RBM4: variants seen among roughly 807,000 people sequenced by gnomAD.
RBM4 encodes RNA binding motif protein 4.
In RBM4, 7 loss-of-function variants were observed where a neutral mutation model predicts 29.5. That is an observed-to-expected ratio of 0.24 (90% CI 0.14 to 0.45). The LOEUF (loss-of-function observed/expected upper bound fraction) is 0.45, where lower values mean the gene tolerates loss of function less well. RBM4 is among the 20% of genes least tolerant of loss of function. The probability of loss-of-function intolerance (pLI) is 1.00; values close to 1 mark genes in which losing one functional copy is unlikely to be tolerated. For synonymous variants in RBM4, 220 were observed against 205.4 expected (o/e 1.07, Z -0.61); for missense variants, 387 against 502.3 (o/e 0.77, Z 2.19).
chr11:66,666,485 G>T, exon 3 of RBM4: 1 of 982,912 alleles, frequency 1.0e-6, no homozygotes, highest in Non-Finnish European at 1.2e-6. Context: ...GTCCATTTGA[G>T]GTTCACACCT....
Position 66,643,676 on chromosome 11 carries a change from C to G in RBM4, c.639C>G (p.Asn213Lys). The G allele has an allele frequency of 1.2e-6, 2 of 1,614,152 alleles. No individual in the cohort carries two copies. Among genetic ancestry groups the G allele is most frequent in the Non-Finnish European group, 1.7e-6 (2 of 1,180,032 alleles). The change falls in exon 3 of 4, where the codon AAC becomes AAG. Residue 213 changes from asparagine to lysine, a missense_variant. By Grantham distance (94) the Asn-to-Lys change is moderately conservative. This residue lies in a region of RBM4 where 281 missense variants were observed against 288.7 expected (regional missense o/e 0.97). Transcript: ENST00000310092. The surrounding 1 kb of genome is among the most constrained non-coding windows in gnomAD (Gnocchi z 6.1). Reference protein sequence around the residue: ...MSYGDSLYYNNAYGALDAYYK... With the variant: ...MSYGDSLYYNKAYGALDAYYK... ...ATGGGGATTCATTGTATTACAACAA[C>G]GCGTACGGAGCGCTCGATGCCTACT...
At chr11:66,661,935 CAGG>C (rs1354097926) in intron 2 of RBM4, among the ~76,000 whole-genome samples, 2 of 152,158 alleles carry the variant, frequency 1.3e-5, no homozygotes, top group East Asian at 1.9e-4. Flanking sequence ...GAGGTTGAGA[CAGG>C]AGAATTGCTT....
chr11:66,665,590 C>G, intron 2 of RBM4: 1 of 1,535,960 alleles, frequency 6.5e-7, no homozygotes, highest in Non-Finnish European at 8.7e-7. Context: ...TGAAAGAGAG[C>G]ACAACACAAG....
Position 66,643,371 on chromosome 11 carries a change from G to C in RBM4, c.413-79G>C. 1.3e-6 allele frequency: 2 copies of C among 1,511,762 alleles called. No homozygotes were observed. Among genetic ancestry groups the C allele is most frequent in the Non-Finnish European group, 8.9e-7 (1 of 1,124,078 alleles). The allele number at this position is 1,511,762 out of a possible 1,614,324, so 93.6% of individuals were successfully genotyped here. A position where few individuals can be genotyped will look rare whatever the true frequency, so the allele number is the denominator to read the frequency against. The stretch of plus-strand genomic sequence containing the variant: ...TTAGAATTGTCTAGATAAAGCCATT[G>C]CTATGACCAGTGTCTGGGGTAGGGG... On this transcript the variant is annotated intron_variant, in intron 2 of 3. Coordinates refer to ENST00000310092, the MANE Select transcript of RBM4 (RefSeq NM_002896.4). This position sits in a 1 kb window ranked among gnomAD's most constrained non-coding sequence, Gnocchi z 6.1.
intron 2 of RBM4, 191 bp downstream of exon 2, chr11:66,640,314 T>C: frequency 1.3e-6 from 1 of 748,982 alleles, no homozygotes; most frequent in Admixed American, 2.9e-5. Flanking sequence ...GGCAAATGTC[T>C]CCTGGAGAAA....
At position 66,665,897 on chromosome 11, in the gene RBM4, A is replaced by C. The variant is rs143939117; in HGVS notation, c.454A>C (p.Lys152Gln). Residue 152 changes from lysine (K) to glutamine (Q), a missense_variant, in exon 3 of 3, where the codon AAA becomes CAA. Physicochemically the swap from Lys to Gln is moderately conservative, Grantham distance 53. Coordinates refer to the RBM4 transcript ENST00000396053. ...GACAGAAGGCTACTGTTGCTGTAAC[A>C]AAGGGCATACATACATTTTCAAGAA... 1.6e-3 allele frequency: 2,448 copies of C among 1,535,362 alleles called. 5 individuals are homozygous for C. The highest frequency in any genetic ancestry group is 2.0e-3 in the Admixed American group (103 of 50,914).
chr11:66,658,337 C>CTTTTTTT (rs35133059), intron 2 of RBM4, among the ~76,000 whole-genome samples: 8 of 50,456 alleles, frequency 1.6e-4, no homozygotes, highest in South Asian at 1.5e-3. Flanking sequence ...CTAGTCTGAC[C>CTTTTTTT]TTTTTTTTTT....
exon 3 of RBM4, chr11:66,666,772 AAC>A (rs1590878956): frequency 1.3e-5 from 2 of 152,208 alleles, no homozygotes; most frequent in Admixed American, 1.3e-4. Flanking sequence ...TTCACACATA[AAC>A]ACAGACTAGC....
chr11:66,641,839 T>C (rs1483340421), intron 2 of RBM4, among the ~76,000 whole-genome samples: 1 of 152,232 alleles, frequency 6.6e-6, no homozygotes, highest in Non-Finnish European at 1.5e-5. Context: ...GTGTTGGGTA[T>C]CTTCTCTATT....
At chr11:66,661,653 T>C (rs1047419744) in intron 2 of RBM4, among the ~76,000 whole-genome samples, 5 of 152,186 alleles carry the variant, frequency 3.3e-5, no homozygotes, top group Non-Finnish European at 7.3e-5. Context: ...GACTCTGAAA[T>C]GGTCTATAGT....
At chr11:66,646,555 C>T (rs2135072940), downstream of RBM4, 1 of 986,456 alleles carries the variant, frequency 1.0e-6, no homozygotes, top group Non-Finnish European at 1.2e-6. Context: ...AGTTTTAAGA[C>T]ACTCAGCTTT....
intron 2 of RBM4, among the ~76,000 whole-genome samples, chr11:66,655,172 G>T (rs1242985517): frequency 6.6e-6 from 1 of 152,108 alleles, no homozygotes; most frequent in Non-Finnish European, 1.5e-5. Context: ...TTTTAGTAGG[G>T]ATGGTGTTTC....
Position 66,639,939 on chromosome 11 carries a change from C to T in RBM4, c.228C>T (p.Thr76=), listed in dbSNP as rs1043360. 1 of 1,614,188 alleles carries T rather than the reference C, an allele frequency of 6.2e-7. No individual in the cohort carries two copies. ...NVEASKNKSK[T]STKLHVGNIS... ...AAGCCAGCAAGAATAAGAGCAAAAC[C>T]TCAACAAAGTTGCATGTGGGCAACA... is the stretch of plus-strand genomic sequence containing the variant. The change falls in exon 2 of 4, where the codon ACC becomes ACT. Residue 76 remains threonine (T), a synonymous_variant. Coordinates refer to ENST00000310092, the MANE Select transcript of RBM4 (RefSeq NM_002896.4).
intron 2 of RBM4, among the ~76,000 whole-genome samples, chr11:66,658,724 G>A (rs1368234667): frequency 1.1e-4 from 16 of 151,962 alleles, no homozygotes; most frequent in Non-Finnish European, 2.2e-4. Flanking sequence ...ATCACTTGAT[G>A]TCAGGAGTTT....
At chr11:66,650,204 A>G (rs1227579477), downstream of RBM4, among the ~76,000 whole-genome samples, 3 of 152,208 alleles carry the variant, frequency 2.0e-5, no homozygotes, top group Non-Finnish European at 2.9e-5. Flanking sequence ...GCATGGGTCA[A>G]AGGACCTGTG....
In RBM4 at chr11:66,644,327, C is replaced by T. The variant is rs372853219; in HGVS notation, c.*8+187C>T. 37 of 806,116 alleles carry T rather than the reference C, an allele frequency of 4.6e-5. No individual in the cohort carries two copies. The African/African-American group carries it at 6.1e-4, about 13-fold the overall frequency. 49.9% of individuals were successfully genotyped at this position (806,116 alleles called of 1,614,324 possible). A position where few individuals can be genotyped will look rare whatever the true frequency, so the allele number is the denominator to read the frequency against. ...AAAATACATAGAGTTCCTTGGCCCTCATGGCTATTTTTCAGGGCTTCTGGT... is the reference window on the plus strand; with the variant it reads ...AAAATACATAGAGTTCCTTGGCCCTTATGGCTATTTTTCAGGGCTTCTGGT... On this transcript the variant is annotated intron_variant, in intron 3 of 3. Coordinates refer to ENST00000310092, the MANE Select transcript of RBM4 (RefSeq NM_002896.4).
rs776667223 is a variant in RBM4 at position 66,639,858 on chromosome 11, G to A, written c.147G>A (p.Glu49=). Residue 49 remains glutamate, a synonymous_variant, in exon 2 of 4, where the codon GAG becomes GAA. Coordinates refer to ENST00000310092, the MANE Select transcript of RBM4 (RefSeq NM_002896.4). ...ACATAGAAGACAAGACGGCAGCTGA[G>A]GATGCCATACGCAACCTGCACCATT... ...FVHIEDKTAA[E]DAIRNLHHYK... The A allele has an allele frequency of 1.9e-6, 3 of 1,614,100 alleles. No homozygotes were observed. The highest frequency in any genetic ancestry group is 2.2e-5 in the East Asian group (1 of 44,878).
intron 2 of RBM4, among the ~76,000 whole-genome samples, chr11:66,657,554 G>A (rs925836566): frequency 2.6e-5 from 4 of 151,698 alleles, no homozygotes; most frequent in Non-Finnish European, 4.4e-5. Flanking sequence ...GTCGTGGTGC[G>A]CACCTGTAGT....
At chr11:66,654,368 C>T (rs964473062) in intron 2 of RBM4, among the ~76,000 whole-genome samples, 2 of 151,516 alleles carry the variant, frequency 1.3e-5, no homozygotes, top group Admixed American at 6.6e-5. Flanking sequence ...TGGTGGCGGG[C>T]GCCTGTAGTC....
Sources: allele counts gnomAD v4.1 joint callset (sites outside exome capture counted in the v4.1 genomes callset), GRCh38; gene constraint gnomAD v4.1.1; regional missense constraint gnomAD v4.1.1; non-coding constraint Gnocchi (gnomAD v3.1); transcripts MANE v1.5; gene names NCBI Gene and HGNC (gene_info 2026-07-23, HGNC 2026-07-21).